The following MPDZ variants were observed in gnomAD, a reference collection of about 807,000 sequenced individuals.
The protein encoded by MPDZ is multiple PDZ domain crumbs cell polarity complex component.
Under a neutral mutation model 239.1 loss-of-function variants are expected in MPDZ, and 234 were observed. That is an observed-to-expected ratio of 0.98 (90% CI 0.88 to 1.09). The LOEUF (loss-of-function observed/expected upper bound fraction) is 1.09, where lower values mean the gene tolerates loss of function less well. Ranked by LOEUF, MPDZ falls within the 50% of genes least tolerant of loss-of-function variation. The pLI is 0.00. For synonymous variants in MPDZ, 1,048 were observed against 881.3 expected, an observed-to-expected ratio of 1.19 and a Z score of -3.35; for missense variants, 3,175 against 2,510.0, an observed-to-expected ratio of 1.26 and a Z score of -5.66.
Position 13,115,323 on chromosome 9 carries a change from G to A in MPDZ, c.5391C>T (p.Gly1797=), listed in dbSNP as rs1164814424. 1.9e-6 allele frequency: 3 copies of A among 1,612,352 alleles called. No individual in the cohort carries two copies. Among genetic ancestry groups the A allele is most frequent in the Non-Finnish European group, 2.5e-6 (3 of 1,179,570 alleles). The change falls in exon 40 of 47, where the codon GGC becomes GGT. Residue 1797 remains glycine, a synonymous_variant. Transcript: ENST00000319217. ...TTCTTCCAACTTCCAAGGTTACTGT[G>A]CCTAGGGAACACTGGGGGTGGGCAT... ...AVAALLKCSL[G]TVTLEVGRIK...
intron 3 of MPDZ, among the ~76,000 whole-genome samples, chr9:13,228,874 C>T (rs1299436833): frequency 6.6e-6 from 1 of 151,986 alleles, no homozygotes; most frequent in African/African-American, 2.4e-5. Context: ...ACAACTGGTA[C>T]AAATAGCTTT....
chr9:13,260,592 C>T (rs917168595), intron 1 of MPDZ, among the ~76,000 whole-genome samples: 1 of 152,102 alleles, frequency 6.6e-6, no homozygotes, highest in African/African-American at 2.4e-5. Flanking sequence ...ATTTTGGAAA[C>T]AGGTCTTTTA....
intron 1 of MPDZ, among the ~76,000 whole-genome samples, chr9:13,260,436 A>C (rs897272251): frequency 6.6e-6 from 1 of 152,182 alleles, no homozygotes. Context: ...GTAATACTAC[A>C]AGGAACATGT....
At chr9:13,187,762 G>GAAAACGTGCTTCTGCCTTTTC (rs34307097) in intron 17 of MPDZ, among the ~76,000 whole-genome samples, 1 of 152,034 alleles carries the variant, frequency 6.6e-6, no homozygotes, top group Non-Finnish European at 1.5e-5. Flanking sequence ...ATTTTCTTAA[G>GAAAACGTGCTTCTGCCTTTTC]ACTTCAAACT....
chr9:13,108,221 A>C (rs2130965258), intron 46 of MPDZ, among the ~76,000 whole-genome samples: 1 of 152,256 alleles, frequency 6.6e-6, no homozygotes, highest in East Asian at 1.9e-4. Flanking sequence ...AATCTTGTCG[A>C]ATTTTGTAGC....
chr9:13,267,296 C>A (rs1972000545), intron 1 of MPDZ, among the ~76,000 whole-genome samples: 1 of 152,116 alleles, frequency 6.6e-6, no homozygotes, highest in African/African-American at 2.4e-5. Flanking sequence ...TTCCAAATAT[C>A]CCTGTTTTCT....
At position 13,216,859 on chromosome 9, in the gene MPDZ, G is replaced by C. The variant is rs1310807967; in HGVS notation, c.1205C>G (p.Pro402Arg). 6.2e-7 allele frequency: 1 copy of C among 1,606,746 alleles called. No homozygotes were observed. The highest frequency in any genetic ancestry group is 1.7e-5 in the Admixed American group (1 of 59,562). ...AGYIGDKKLE[P>R]SGIFVKSITK... ...AATGCTCTTTACAAAGATTCCTGAAGGTTCTAAGATTAGAAATAGTTTATT... is the reference window on the plus strand; with the variant it reads ...AATGCTCTTTACAAAGATTCCTGAACGTTCTAAGATTAGAAATAGTTTATT... The change falls in exon 10 of 47, where the codon CCT becomes CGT. Residue 402 changes from proline to arginine, a missense_variant. By Grantham distance (103) the Pro-to-Arg change is moderately radical. Coordinates refer to ENST00000319217, the MANE Select transcript of MPDZ (RefSeq NM_001378778.1).
Position 13,125,229 on chromosome 9 carries a change from C to A in MPDZ, c.4794G>T (p.Pro1598=), listed in dbSNP as rs374789260. The change falls in exon 35 of 47, where the codon CCG becomes CCT. Residue 1598 remains proline, a synonymous_variant. Transcript: ENST00000319217. ...CAGAGGCCTTACTTCGGATGGACTCCGGTTCTGGGGAGCCAGACTGTGGGA... is the reference window on the plus strand; with the variant it reads ...CAGAGGCCTTACTTCGGATGGACTCAGGTTCTGGGGAGCCAGACTGTGGGA... ...LMVPQSGSPE[P]ESIRNTSRSS... 1.2e-5 allele frequency: 19 copies of A among 1,598,862 alleles called. No individual in the cohort carries two copies. The highest frequency in any genetic ancestry group is 1.6e-5 in the Non-Finnish European group (19 of 1,170,368).
intron 39 of MPDZ, among the ~76,000 whole-genome samples, chr9:13,116,248 G>A (rs567304608): frequency 1.3e-5 from 2 of 152,284 alleles, no homozygotes; most frequent in South Asian, 2.1e-4. Flanking sequence ...CTGTTTTGGA[G>A]TCACTGGATT....
chr9:13,233,101 G>A (rs962826952), intron 3 of MPDZ, among the ~76,000 whole-genome samples: 1 of 152,146 alleles, frequency 6.6e-6, no homozygotes, highest in African/African-American at 2.4e-5. Flanking sequence ...TAAATATCGT[G>A]AGAGAGTTGG....
intron 3 of MPDZ, among the ~76,000 whole-genome samples, chr9:13,243,426 C>A (rs1256953303): frequency 6.6e-6 from 1 of 151,718 alleles, no homozygotes; most frequent in Non-Finnish European, 1.5e-5. Context: ...TTTAGTAACC[C>A]AAGGTCCTTG....
Position 13,205,036 on chromosome 9 carries a change from C to A in MPDZ, c.1546G>T (p.Gly516Trp). Residue 516 changes from glycine to tryptophan, a missense_variant and splice_region_variant, in exon 12 of 47, where the codon GGG (glycine) becomes TGG (tryptophan). Transcript: ENST00000319217. ...CAATAAGCTGGCGCTAGGTGTTTACCTTCTTCTTCAGTTGGTAATATGTTG... is the reference window on the plus strand; with the variant it reads ...CAATAAGCTGGCGCTAGGTGTTTACATTCTTCTTCAGTTGGTAATATGTTG... ...NTNILPTEEEGYPLLSAEIEE... is the reference protein window; with the variant it reads ...NTNILPTEEEWYPLLSAEIEE... The A allele has an allele frequency of 6.9e-7, 1 of 1,447,352 alleles. No homozygotes were observed. Among genetic ancestry groups the A allele is most frequent in the Non-Finnish European group, 9.1e-7 (1 of 1,101,506 alleles). The allele number at this position is 1,447,352 out of a possible 1,614,324, so 89.7% of individuals were successfully genotyped here. A position where few individuals can be genotyped will look rare whatever the true frequency, so the allele number is the denominator to read the frequency against.
Position 13,247,698 on chromosome 9 carries a change from C to A in MPDZ, c.120G>T (p.Leu40=). The stretch of plus-strand genomic sequence containing the variant: ...GAATCTGACTGAAGAGAGGGCTCTG[C>A]AGGACTGACTTCAGAAGGCTCAGTT... ...EDKLSLLKSV[L]QSPLFSQILS... is the part of the protein sequence containing the mutation. Residue 40 remains leucine, a synonymous_variant, in exon 3 of 47, where the codon CTG becomes CTT. Coordinates refer to ENST00000319217, the MANE Select transcript of MPDZ (RefSeq NM_001378778.1). The A allele has an allele frequency of 6.2e-7, 1 of 1,613,568 alleles. No individual in the cohort carries two copies. Among genetic ancestry groups the A allele is most frequent in the Non-Finnish European group, 8.5e-7 (1 of 1,179,618 alleles).
chr9:13,211,581 A>T (rs1039638992), intron 10 of MPDZ, among the ~76,000 whole-genome samples: 1 of 152,128 alleles, frequency 6.6e-6, no homozygotes, highest in Non-Finnish European at 1.5e-5. Flanking sequence ...TCTAAATAAT[A>T]GTATTACAGC....
intron 36 of MPDZ, 76 bp downstream of exon 36, chr9:13,123,077 A>C: frequency 7.0e-7 from 1 of 1,431,430 alleles, no homozygotes; most frequent in Non-Finnish European, 9.3e-7. Flanking sequence ...TAGAACTGAT[A>C]GAAATCTCCC....
At chr9:13,239,201 G>A (rs1964788503) in intron 3 of MPDZ, among the ~76,000 whole-genome samples, 1 of 152,036 alleles carries the variant, frequency 6.6e-6, no homozygotes, top group Non-Finnish European at 1.5e-5. Context: ...CACAATCTGA[G>A]ATCAGATAAT....
rs181643005 is a variant in MPDZ, at chr9:13,162,031, G to A, written c.3359+660C>T. Reference sequence around the variant, plus strand: ...GTGAATCCCAGCACTTTGGCAGGACGAGGTGGGCAGACTGCTTAAGCTCAG... The same window carrying A: ...GTGAATCCCAGCACTTTGGCAGGACAAGGTGGGCAGACTGCTTAAGCTCAG... On this transcript the variant is annotated intron_variant, in intron 23 of 46. Coordinates refer to ENST00000319217, the MANE Select transcript of MPDZ (RefSeq NM_001378778.1). Among the ~76,000 whole-genome samples, 760 of 152,186 alleles carry A rather than the reference G, an allele frequency of 5.0e-3. 9 individuals are homozygous for A. The highest frequency in any genetic ancestry group is 0.028 in the South Asian group (136 of 4,822).
intron 24 of MPDZ, among the ~76,000 whole-genome samples, chr9:13,151,591 A>C (rs1949177755): frequency 6.6e-6 from 1 of 152,132 alleles, no homozygotes; most frequent in African/African-American, 2.4e-5. Flanking sequence ...AGAGGTACCA[A>C]ATTCATAGAG....
chr9:13,157,190 T>G (rs2133350368), intron 24 of MPDZ, among the ~76,000 whole-genome samples: 1 of 152,278 alleles, frequency 6.6e-6, no homozygotes, highest in African/African-American at 2.4e-5. Context: ...ATATTAATGT[T>G]TACTGAACAC....
Sources: gnomAD v4.1 joint callset for allele counts (sites outside exome capture counted in the v4.1 genomes callset) on GRCh38, gnomAD v4.1.1 for gene constraint, MANE v1.5 for transcripts, NCBI Gene and HGNC (gene_info 2026-07-23, HGNC 2026-07-21) for gene names.